Variants in CPAMD8 observed in about 807,000 individuals in gnomAD.
CPAMD8 encodes C3 and PZP-like alpha-2-macroglobulin domain-containing protein 8.
CPAMD8 carries 146 observed loss-of-function variants against 224.7 expected under a neutral mutation model. That is an observed-to-expected ratio of 0.65 (90% CI 0.57 to 0.75). CPAMD8 has a LOEUF of 0.75. Among genes scored for constraint, CPAMD8 ranks in the 30% least tolerant of loss-of-function variants. The pLI is 0.00. For missense variants in CPAMD8, 2,301 were observed against 2,537.5 expected, an observed-to-expected ratio of 0.91 and a Z score of 2.00; for synonymous variants, 966 against 1,044.6, an observed-to-expected ratio of 0.92 and a Z score of 1.45.
At chr19:16,902,096 C>G (rs1402049164) in intron 35 of CPAMD8, among the ~76,000 whole-genome samples, 16 of 152,138 alleles carry the variant, frequency 1.1e-4, no homozygotes, top group Admixed American at 1.0e-3. Flanking sequence ...CTCTTGGAAA[C>G]CAAGGGGTCT....
chr19:17,000,780 C>G (rs2056285786), intron 9 of CPAMD8, among the ~76,000 whole-genome samples: 1 of 152,218 alleles, frequency 6.6e-6, no homozygotes, highest in South Asian at 2.1e-4. Flanking sequence ...AACTCTGGAA[C>G]TGAGAAGGCT....
At chr19:17,009,176 T>TCC in intron 6 of CPAMD8, 127 bp downstream of exon 6, 1 of 1,523,482 alleles carries the variant, frequency 6.6e-7, no homozygotes, top group South Asian at 1.2e-5. Flanking sequence ...AGAGGCCAGG[T>TCC]CCCAGCCTTG....
At chr19:17,001,320 GAAAAAAAAAAAAAA>G (rs1170361586) in intron 9 of CPAMD8, among the ~76,000 whole-genome samples, 1 of 42,470 alleles carries the variant, frequency 2.4e-5, no homozygotes, top group East Asian at 6.4e-4. Context: ...GACTCCGTCT[GAAAAAAAAAAAAAA>G]AAAAAAAAAA....
Position 16,902,632 on chromosome 19 carries a change from A to C in CPAMD8, c.4685+17T>G. On this transcript the variant is annotated intron_variant, in intron 35 of 41. Transcript: ENST00000443236. Reference sequence around the variant, plus strand: ...ACCCTCCTGGGATGCCCACGCCAGCAGGGCAGGTGGCCTTACCTGGTGCAC... The same window carrying C: ...ACCCTCCTGGGATGCCCACGCCAGCCGGGCAGGTGGCCTTACCTGGTGCAC... The C allele has an allele frequency of 6.4e-7, 1 of 1,551,920 alleles. No individual in the cohort carries two copies. The highest frequency in any genetic ancestry group is 2.3e-4 in the Middle Eastern group (1 of 4,354).
In CPAMD8 at chr19:16,897,881, G is replaced by A. The variant is rs1221259594; in HGVS notation, c.4954+8C>T. ...GGCCGGGCCGGGGGTGCGGGCGCGC[G>A]GGCCTACCGGGTTCGTAGTAGTCGT... On this transcript the variant is annotated splice_region_variant and intron_variant, in intron 38 of 41. Transcript: ENST00000443236. 1 of 1,601,940 alleles carries A rather than the reference G, an allele frequency of 6.2e-7. No individual in the cohort carries two copies. The highest frequency in any genetic ancestry group is 8.5e-7 in the Non-Finnish European group (1 of 1,174,734).
chr19:16,914,325 G>T (rs888972562), intron 29 of CPAMD8, 99 bp downstream of exon 29: 23 of 910,516 alleles, frequency 2.5e-5, no homozygotes, highest in Admixed American at 2.5e-4. Context: ...CAGAAGGAGG[G>T]CAGGGAGGAA....
chr19:16,998,091 C>A (rs554751725), intron 10 of CPAMD8, among the ~76,000 whole-genome samples: 2 of 152,336 alleles, frequency 1.3e-5, no homozygotes, highest in South Asian at 2.1e-4. Context: ...GGCTGGGATT[C>A]TCCAAGGTGC....
intron 23 of CPAMD8, among the ~76,000 whole-genome samples, chr19:16,930,400 C>T (rs1263838300): frequency 6.6e-6 from 1 of 152,040 alleles, no homozygotes; most frequent in East Asian, 1.9e-4. Context: ...GGGAGAGGGG[C>T]TACTTAGAGG....
chr19:16,893,041 TG>T lies in CPAMD8; in HGVS notation c.*66del. On this transcript the variant is annotated 3_prime_UTR_variant, in exon 42 of 42. Coordinates refer to ENST00000443236, the MANE Select transcript of CPAMD8 (RefSeq NM_015692.5). ...TGAGATGTTAACCACAGGCACAAGC[TG>T]GGTGTGTGGGTATGAATGGTCCCCA... 1.3e-6 allele frequency: 1 copy of T among 790,244 alleles called. No homozygotes were observed. Among genetic ancestry groups the T allele is most frequent in the Non-Finnish European group, 2.3e-6 (1 of 429,070 alleles). The allele number at this position is 790,244 out of a possible 1,614,324, so 49.0% of individuals were successfully genotyped here.
chr19:16,898,361 G>A lies in CPAMD8; in HGVS notation c.4849-367C>T, dbSNP rs1171889756. On this transcript the variant is annotated intron_variant, in intron 37 of 41. Transcript: ENST00000443236. The surrounding 1 kb of genome is among the most constrained non-coding windows in gnomAD (Gnocchi z 4.2). Reference sequence around the variant, plus strand: ...GAGTTTCACCATGTTGGCCAGGCTGGTCTCCAACTCCTGCCCTCAAGTGAT... The same window carrying A: ...GAGTTTCACCATGTTGGCCAGGCTGATCTCCAACTCCTGCCCTCAAGTGAT... Among the ~76,000 whole-genome samples, 3 of 151,900 alleles carry A rather than the reference G, an allele frequency of 2.0e-5. No individual in the cohort carries two copies. The highest frequency in any genetic ancestry group is 4.8e-5 in the African/African-American group (2 of 41,324).
chr19:16,993,249 G>A (rs573163276), intron 12 of CPAMD8, among the ~76,000 whole-genome samples, 167 bp downstream of exon 12: 1 of 152,168 alleles, frequency 6.6e-6, no homozygotes, highest in Non-Finnish European at 1.5e-5. Context: ...CCTTCCACCT[G>A]ATCCCAGGAT....
chr19:17,026,701 G>A lies in CPAMD8; in HGVS notation c.-59C>T. 1 of 1,264,906 alleles carries A rather than the reference G, an allele frequency of 7.9e-7. No individual in the cohort carries two copies. Among genetic ancestry groups the A allele is most frequent in the Non-Finnish European group, 9.9e-7 (1 of 1,006,484 alleles). The allele number at this position is 1,264,906 out of a possible 1,614,324, so 78.4% of individuals were successfully genotyped here. On this transcript the variant is annotated 5_prime_UTR_variant, in exon 1 of 42. Transcript: ENST00000443236. ...GGGGGCCGGGCCAGGGCTGGGCCAG[G>A]GCCAGGGTCCGAGCGCGGCCGTCCT...
chr19:16,901,129 AGCCAGCCTGACCCTGGGT>A, intron 36 of CPAMD8, 63 bp downstream of exon 36: 1 of 906,618 alleles, frequency 1.1e-6, no homozygotes, highest in South Asian at 1.5e-5. Flanking sequence ...CTGGACTGCC[AGCCAGCCTGACCCTGGGT>A]GCCTAAGCCC....
At chr19:16,992,906 G>C (rs1478616386) in intron 12 of CPAMD8, among the ~76,000 whole-genome samples, 1 of 151,756 alleles carries the variant, frequency 6.6e-6, no homozygotes, top group Non-Finnish European at 1.5e-5. Context: ...ACTGCAGCCT[G>C]GGCAACAGAG....
intron 22 of CPAMD8, among the ~76,000 whole-genome samples, chr19:16,940,592 C>T (rs985816024): frequency 3.3e-5 from 5 of 152,180 alleles, no homozygotes; most frequent in Non-Finnish European, 7.3e-5. Flanking sequence ...ACTTTCATTA[C>T]AAAGCTCTCC....
intron 13 of CPAMD8, among the ~76,000 whole-genome samples, chr19:16,985,943 T>A (rs990921897): frequency 8.6e-5 from 13 of 152,024 alleles, no homozygotes; most frequent in African/African-American, 2.9e-4. Flanking sequence ...CATTTTTCAA[T>A]TTCACTCTAA....
chr19:16,917,131 C>T (rs970255329), intron 27 of CPAMD8, among the ~76,000 whole-genome samples: 12 of 152,218 alleles, frequency 7.9e-5, no homozygotes, highest in African/African-American at 2.7e-4. Flanking sequence ...GTGGCCCATA[C>T]TTGTAATCCT....
chr19:16,913,634 G>C (rs1278729468), intron 29 of CPAMD8, among the ~76,000 whole-genome samples: 4 of 152,104 alleles, frequency 2.6e-5, no homozygotes, highest in Non-Finnish European at 5.9e-5. Context: ...AGCTAAGACA[G>C]GGCATTAGGA....
Position 16,932,657 on chromosome 19 carries a change from T to G in CPAMD8, c.2846-3417A>C, listed in dbSNP as rs149072844. Among the ~76,000 whole-genome samples, 3 of 151,676 alleles carry G rather than the reference T, an allele frequency of 2.0e-5. No individual in the cohort carries two copies. In the East Asian group the frequency reaches 5.8e-4, roughly 29 times the overall value. On this transcript the variant is annotated intron_variant, in intron 23 of 41. Coordinates refer to ENST00000443236, the MANE Select transcript of CPAMD8 (RefSeq NM_015692.5). ...TTAAAATAACCCAATCAGACAAAAA[T>G]AAAGATAAAAGAAAGAACAAAGCCA...
Sources: gnomAD v4.1 joint callset for allele counts (sites outside exome capture counted in the v4.1 genomes callset) on GRCh38, gnomAD v4.1.1 for gene constraint, Gnocchi (gnomAD v3.1) non-coding constraint, MANE v1.5 for transcripts, NCBI Gene and HGNC (gene_info 2026-07-23, HGNC 2026-07-21) for gene names.